The following INPP4B variants were observed in gnomAD, a reference collection of about 807,000 sequenced individuals.
The protein encoded by INPP4B is inositol polyphosphate-4-phosphatase type II B.
INPP4B carries 55 observed loss-of-function variants against 122.5 expected under a neutral mutation model. The ratio of observed to expected loss-of-function variants is 0.45; its 90% CI spans 0.36 to 0.56. The LOEUF is 0.56. INPP4B is among the 20% of genes least tolerant of loss of function. The pLI is 0.00. For missense variants in INPP4B, 1,000 were observed against 1,097.7 expected, an observed-to-expected ratio of 0.91 and a Z score of 1.26; for synonymous variants, 403 against 388.7, an observed-to-expected ratio of 1.04 and a Z score of -0.43.
chr4:142,652,505 C>A (rs143791870), intron 2 of INPP4B, among the ~76,000 whole-genome samples: 3,826 of 152,160 alleles, frequency 0.025, 60 homozygotes, highest in Middle Eastern at 0.089. Context: ...TTAAGCTGAT[C>A]AGCAACTTCA....
chr4:142,418,012 G>A (rs1806126094), intron 5 of INPP4B, among the ~76,000 whole-genome samples: 1 of 151,980 alleles, frequency 6.6e-6, no homozygotes, highest in Non-Finnish European at 1.5e-5. Context: ...GAATCTTCAG[G>A]TTACATTGCA....
At chr4:142,499,915 C>T (rs1223201576) in intron 2 of INPP4B, among the ~76,000 whole-genome samples, 1 of 152,126 alleles carries the variant, frequency 6.6e-6, no homozygotes, top group Non-Finnish European at 1.5e-5. Flanking sequence ...CTATCACTAT[C>T]ACTCCGTAAT....
chr4:142,628,042 C>T, intron 2 of INPP4B, among the ~76,000 whole-genome samples: 1 of 151,836 alleles, frequency 6.6e-6, no homozygotes, highest in Non-Finnish European at 1.5e-5. Flanking sequence ...ATTTGCGTAC[C>T]CAGCCATCCC....
intron 12 of INPP4B, among the ~76,000 whole-genome samples, chr4:142,234,970 A>G (rs1369049507): frequency 2.0e-5 from 3 of 152,202 alleles, no homozygotes; most frequent in Non-Finnish European, 2.9e-5. Flanking sequence ...TCAAATAACA[A>G]CAATAGTAAT....
intron 2 of INPP4B, among the ~76,000 whole-genome samples, chr4:142,683,676 A>C (rs757732623): frequency 1.3e-5 from 2 of 151,778 alleles, no homozygotes; most frequent in African/African-American, 2.4e-5. Flanking sequence ...ATGAAGCCAG[A>C]CAATGCCTTT....
intron 2 of INPP4B, among the ~76,000 whole-genome samples, chr4:142,644,809 G>A (rs1580604750): frequency 6.9e-6 from 1 of 145,532 alleles, no homozygotes; most frequent in South Asian, 2.2e-4. Flanking sequence ...CCCAGAGGCA[G>A]GGAGAATCAC....
chr4:142,240,926 T>TA (rs1346639068), intron 11 of INPP4B, among the ~76,000 whole-genome samples: 5 of 152,042 alleles, frequency 3.3e-5, no homozygotes, highest in African/African-American at 1.2e-4. Context: ...TTATCGCACA[T>TA]AAAAGAAAGG....
chr4:142,332,094 T>G (rs1441447331), intron 7 of INPP4B, among the ~76,000 whole-genome samples: 1 of 152,212 alleles, frequency 6.6e-6, no homozygotes, highest in Non-Finnish European at 1.5e-5. Context: ...ATACAGACAA[T>G]GTAGCCTTCT....
At chr4:142,416,941 A>T (rs907692569) in intron 5 of INPP4B, among the ~76,000 whole-genome samples, 8 of 152,330 alleles carry the variant, frequency 5.3e-5, no homozygotes, top group Non-Finnish European at 1.2e-4. Context: ...GTGAGAAAGT[A>T]AATCTGGGCT....
At chr4:142,664,701 T>C (rs1755725016) in intron 2 of INPP4B, among the ~76,000 whole-genome samples, 1 of 152,054 alleles carries the variant, frequency 6.6e-6, no homozygotes, top group Admixed American at 6.5e-5. Context: ...TTTCAATTAA[T>C]AAAATATAAA....
intron 3 of INPP4B, among the ~76,000 whole-genome samples, chr4:142,462,007 A>G (rs1483378464): frequency 1.3e-5 from 2 of 152,134 alleles, no homozygotes; most frequent in African/African-American, 2.4e-5. Flanking sequence ...CTTCATTTAT[A>G]TCTGTCTTCC....
chr4:142,399,115 T>C (rs1800728961), intron 7 of INPP4B, among the ~76,000 whole-genome samples: 1 of 151,856 alleles, frequency 6.6e-6, no homozygotes, highest in Admixed American at 6.6e-5. Context: ...CACAGCACCA[T>C]GTTGCATGGG....
At chr4:142,817,952 T>C (rs1780318862) in intron 1 of INPP4B, among the ~76,000 whole-genome samples, 1 of 152,024 alleles carries the variant, frequency 6.6e-6, no homozygotes, top group Admixed American at 6.6e-5. Flanking sequence ...TCACTAGAAT[T>C]AGAAAAATAA....
intron 7 of INPP4B, among the ~76,000 whole-genome samples, chr4:142,339,473 A>G (rs567530529): frequency 4.6e-5 from 7 of 152,344 alleles, no homozygotes; most frequent in African/African-American, 1.7e-4. Flanking sequence ...CCCTGGAAAT[A>G]TGAAAAGTAA....
At chr4:142,316,299 A>G (rs913888867) in intron 7 of INPP4B, among the ~76,000 whole-genome samples, 1 of 152,156 alleles carries the variant, frequency 6.6e-6, no homozygotes, top group African/African-American at 2.4e-5. Context: ...GAAGTTTGGT[A>G]GCTGCATTAA....
chr4:142,604,385 G>C (rs1399439035), intron 2 of INPP4B, among the ~76,000 whole-genome samples: 3 of 151,908 alleles, frequency 2.0e-5, no homozygotes, highest in African/African-American at 4.8e-5. Flanking sequence ...AGAGCAATCA[G>C]GCAAGGAAAA....
intron 7 of INPP4B, among the ~76,000 whole-genome samples, chr4:142,315,131 G>T (rs930236679): frequency 1.3e-5 from 2 of 152,150 alleles, no homozygotes; most frequent in Non-Finnish European, 2.9e-5. Context: ...CCAATACAAA[G>T]AAATGATAAA....
chr4:142,128,484 G>T (rs3775649), intron 18 of INPP4B, among the ~76,000 whole-genome samples: 18,966 of 151,706 alleles, frequency 0.13, 1,364 homozygotes, highest in East Asian at 0.23. Context: ...AACTAGCCTC[G>T]CAGGCACTAA....
chr4:142,665,604 T>C (rs1755905554), intron 2 of INPP4B, among the ~76,000 whole-genome samples: 1 of 152,146 alleles, frequency 6.6e-6, no homozygotes, highest in South Asian at 2.1e-4. Flanking sequence ...ACTGCAGTTT[T>C]GTTTACTAAT....
Sources: allele counts gnomAD v4.1 joint callset (sites outside exome capture counted in the v4.1 genomes callset), GRCh38; gene constraint gnomAD v4.1.1; transcripts MANE v1.5; gene names NCBI Gene and HGNC (gene_info 2026-07-23, HGNC 2026-07-21).